ARL10: variants seen among roughly 807,000 people sequenced by gnomAD.
ARL10 encodes ADP-ribosylation factor-like protein 10.
Under a neutral mutation model 26.1 loss-of-function variants are expected in ARL10, and 23 were observed. The ratio of observed to expected loss-of-function variants is 0.88; its 90% CI spans 0.63 to 1.25. The LOEUF is 1.25. ARL10 is among the 50% of genes most tolerant of loss of function. ARL10 has a pLI of 0.00. For synonymous variants in ARL10, 138 were observed against 149.1 expected, an observed-to-expected ratio of 0.93 and a Z score of 0.54; for missense variants, 300 against 323.6, an observed-to-expected ratio of 0.93 and a Z score of 0.56.
chr5:176,402,785 T>G (rs1212681093), downstream of ARL10, among the ~76,000 whole-genome samples: 1 of 152,136 alleles, frequency 6.6e-6, no homozygotes, highest in Non-Finnish European at 1.5e-5. Flanking sequence ...AACGTGAACC[T>G]TGCTGGAACA....
At chr5:176,392,584 G>T, downstream of ARL10, 1 of 606,538 alleles carries the variant, frequency 1.6e-6, no homozygotes, top group Non-Finnish European at 2.9e-6. The surrounding 1 kb of genome is among the most constrained non-coding windows in gnomAD (Gnocchi z 5.2). Context: ...AGGCGTGAGG[G>T]GCTGGACCAG....
At chr5:176,367,046 C>T (rs1455720815) in intron 2 of ARL10, among the ~76,000 whole-genome samples, 1 of 130,768 alleles carries the variant, frequency 7.6e-6, no homozygotes, top group Non-Finnish European at 1.5e-5. Context: ...CTCACTGTGA[C>T]ACCCAGGCTG....
At chr5:176,411,898 C>T in the ARL10 span, among the ~76,000 whole-genome samples, 3 of 152,182 alleles carry the variant, frequency 2.0e-5, no homozygotes, top group South Asian at 4.1e-4. Context: ...TTTTTTGGGC[C>T]GGGCGTGGTG....
chr5:176,411,959 G>A, the ARL10 span, among the ~76,000 whole-genome samples: 2 of 151,946 alleles, frequency 1.3e-5, no homozygotes, highest in Non-Finnish European at 1.5e-5. Flanking sequence ...GGCAGATCAC[G>A]AAGTCAGGAG....
the ARL10 span, among the ~76,000 whole-genome samples, chr5:176,414,349 T>G: frequency 2.6e-5 from 4 of 152,088 alleles, no homozygotes; most frequent in African/African-American, 9.7e-5. Flanking sequence ...AGCCCTCCAT[T>G]GCTGTCTCAG....
At position 176,365,857 on chromosome 5, in the gene ARL10, G is replaced by A. The variant is rs945876088; in HGVS notation, c.183+111G>A. On this transcript the variant is annotated intron_variant, in intron 1 of 3. Transcript: ENST00000310389. ...GGCCCTGCTGGTGCCGGGAGCTTGG[G>A]GGGTCGAGGGCTTGGCAGCCGCAGC... The A allele has an allele frequency of 1.4e-5, 16 of 1,146,826 alleles. No homozygotes were observed. In the African/African-American group the frequency reaches 1.8e-4, roughly 13 times the overall value. The allele number at this position is 1,146,826 out of a possible 1,614,324, so 71.0% of individuals were successfully genotyped here.
At chr5:176,395,928 A>G (rs183154860) in intron 1 of ARL10, among the ~76,000 whole-genome samples, 270 of 152,292 alleles carry the variant, frequency 1.8e-3, no homozygotes, top group African/African-American at 6.3e-3. Flanking sequence ...TGAGGTCAGG[A>G]GTTCGAGACC....
exon 2 of ARL10, chr5:176,388,591 C>T (rs540374183): frequency 1.3e-6 from 2 of 1,521,372 alleles, no homozygotes; most frequent in Non-Finnish European, 1.8e-6. Context: ...GTCTCTCAGA[C>T]CTCGTGTAAC....
the ARL10 span, among the ~76,000 whole-genome samples, chr5:176,412,467 A>G: frequency 6.6e-6 from 1 of 152,160 alleles, no homozygotes; most frequent in South Asian, 2.1e-4. Context: ...GCTAAATGGA[A>G]GTTGAATTGT....
intron 1 of ARL10, among the ~76,000 whole-genome samples, chr5:176,400,931 GGC>G (rs975333997): frequency 2.1e-4 from 32 of 152,172 alleles, no homozygotes; most frequent in African/African-American, 7.5e-4. Flanking sequence ...GGAACATCAG[GGC>G]TACAGTCTCC....
rs1768415985 is a variant in ARL10, at chr5:176,368,670, G to A, written c.386-137G>A. On this transcript the variant is annotated intron_variant, in intron 2 of 3. Transcript: ENST00000310389. The surrounding 1 kb of genome is among the most constrained non-coding windows in gnomAD (Gnocchi z 4.1). ...CTAAGCTAGAAGCAGGGTGGGGTGG[G>A]GGCTGTGGGCAGTGAGCGGGGGCCC... The A allele has an allele frequency of 2.9e-6, 3 of 1,035,674 alleles. No homozygotes were observed. The highest frequency in any genetic ancestry group is 4.1e-6 in the Non-Finnish European group (3 of 740,218). 64.2% of individuals were successfully genotyped at this position (1,035,674 alleles called of 1,614,324 possible).
the ARL10 span, among the ~76,000 whole-genome samples, chr5:176,412,377 G>A: frequency 1.0e-3 from 154 of 152,154 alleles, no homozygotes; most frequent in African/African-American, 3.0e-3. Context: ...CCCAGGGTCC[G>A]TGTGTACCCC....
In ARL10 at chr5:176,375,473, C is replaced by T. The variant is rs1011135853; in HGVS notation, c.*3578C>T. The stretch of plus-strand genomic sequence containing the variant: ...ACCTCACTGCCGCCAAAAGTGAGTC[C>T]GCAGGAACTCCACTGGAATATTTGC... On this transcript the variant is annotated 3_prime_UTR_variant, in exon 4 of 4. Transcript: ENST00000310389. 8 of 152,026 alleles carry T rather than the reference C, an allele frequency of 5.3e-5. No individual in the cohort carries two copies. Among genetic ancestry groups the T allele is most frequent in the Non-Finnish European group, 8.8e-5 (6 of 68,012 alleles). 9.4% of individuals were successfully genotyped at this position (152,026 alleles called of 1,614,324 possible).
In ARL10 at chr5:176,368,608, T is replaced by G. The variant is rs1379455368; in HGVS notation, c.386-199T>G. ...ATCCAGTCTGAGTAGCTGCGGAAACTGCGGTCTTTTCCTTGCCCCCGGCTG... is the reference window on the plus strand; with the variant it reads ...ATCCAGTCTGAGTAGCTGCGGAAACGGCGGTCTTTTCCTTGCCCCCGGCTG... On this transcript the variant is annotated intron_variant, in intron 2 of 3. Coordinates refer to ENST00000310389, the MANE Select transcript of ARL10 (RefSeq NM_173664.6). This position sits in a 1 kb window ranked among gnomAD's most constrained non-coding sequence, Gnocchi z 4.1. Among the ~76,000 whole-genome samples the G allele has an allele frequency of 6.6e-6, 1 of 151,648 alleles. No homozygotes were observed. Among genetic ancestry groups the G allele is most frequent in the East Asian group, 1.9e-4 (1 of 5,156 alleles).
chr5:176,396,225 A>G lies in ARL10; in HGVS notation c.134-5516A>G, dbSNP rs576660975. On this transcript the variant is annotated intron_variant, in intron 1 of 1. Transcript: ENST00000514533. ...GTGCTCTGCCATTTGCCCCTCCCAC[A>G]TGGGAATAAGTGGCAAGCACATTCC... 1.3e-4 allele frequency among the ~76,000 whole-genome samples: 20 copies of G among 152,092 alleles called. No individual in the cohort carries two copies. In the South Asian group the frequency reaches 3.7e-3, roughly 28 times the overall value.
downstream of ARL10, chr5:176,388,916 G>C: frequency 6.2e-7 from 1 of 1,614,196 alleles, no homozygotes; most frequent in Non-Finnish European, 8.5e-7. Flanking sequence ...CAGGAATCCA[G>C]AGAGTTTCAA....
chr5:176,385,418 A>T, downstream of ARL10: 1 of 788,138 alleles, frequency 1.3e-6, no homozygotes, highest in Non-Finnish European at 2.2e-6. Context: ...CCCACTCCCA[A>T]GCCACAAGAC....
chr5:176,384,173 C>T, downstream of ARL10: 2 of 1,614,070 alleles, frequency 1.2e-6, no homozygotes, highest in Non-Finnish European at 1.7e-6. Flanking sequence ...TACACCCTGG[C>T]TCCAGCTTCA....
At chr5:176,403,255 G>T (rs1357919686), downstream of ARL10, among the ~76,000 whole-genome samples, 1 of 151,838 alleles carries the variant, frequency 6.6e-6, no homozygotes, top group African/African-American at 2.4e-5. Flanking sequence ...TTGCCATGTT[G>T]GCCAGACTTG....
Sources: allele counts gnomAD v4.1 joint callset (sites outside exome capture counted in the v4.1 genomes callset), GRCh38; gene constraint gnomAD v4.1.1; non-coding constraint Gnocchi (gnomAD v3.1); transcripts MANE v1.5; gene names NCBI Gene and HGNC (gene_info 2026-07-23, HGNC 2026-07-21).